The following CACNA2D3 variants were observed in gnomAD, a reference collection of about 807,000 sequenced individuals.
CACNA2D3 encodes the protein calcium voltage-gated channel auxiliary subunit alpha2delta 3.
In CACNA2D3, 60 loss-of-function variants were observed where a neutral mutation model predicts 160.6. The ratio of observed to expected loss-of-function variants is 0.37; its 90% CI spans 0.30 to 0.46. CACNA2D3 has a LOEUF of 0.46. Among genes scored for constraint, CACNA2D3 ranks in the 20% least tolerant of loss-of-function variants. CACNA2D3 has a pLI of 1.00. For synonymous variants in CACNA2D3, 558 were observed against 492.9 expected (o/e 1.13, Z -1.75); for missense variants, 1,205 against 1,365.0 (o/e 0.88, Z 1.85).
rs146105131 is a variant in CACNA2D3 at position 54,551,207 on chromosome 3, C to T, written c.545-11593C>T. On this transcript the variant is annotated intron_variant, in intron 5 of 37. Coordinates refer to ENST00000474759, the MANE Select transcript of CACNA2D3 (RefSeq NM_018398.3). Reference sequence around the variant, plus strand: ...TGGCTCTGCCAGGACCACTCTACAACCTGCCCACCCCATGCCTCTGCGTTC... The same window carrying T: ...TGGCTCTGCCAGGACCACTCTACAATCTGCCCACCCCATGCCTCTGCGTTC... 1.5e-3 allele frequency among the ~76,000 whole-genome samples: 231 copies of T among 152,300 alleles called. 3 individuals are homozygous for T. The highest frequency in any genetic ancestry group is 2.7e-3 in the Non-Finnish European group (182 of 68,026).
chr3:55,038,510 A>C (rs975707181), intron 35 of CACNA2D3, among the ~76,000 whole-genome samples: 2 of 152,176 alleles, frequency 1.3e-5, no homozygotes, highest in African/African-American at 4.8e-5. Context: ...TAAGTGCTAT[A>C]TATACATATA....
intron 14 of CACNA2D3, among the ~76,000 whole-genome samples, chr3:54,827,032 A>C (rs1703763636): frequency 6.6e-6 from 1 of 152,140 alleles, no homozygotes; most frequent in Admixed American, 6.5e-5. Context: ...TTGAAGGATG[A>C]TTTGCTTGAT....
chr3:54,860,223 T>A (rs900262148), intron 17 of CACNA2D3, among the ~76,000 whole-genome samples: 1 of 152,206 alleles, frequency 6.6e-6, no homozygotes, highest in African/African-American at 2.4e-5. Flanking sequence ...TTATCTGGAA[T>A]ATTTAGAAGC....
intron 11 of CACNA2D3, among the ~76,000 whole-genome samples, chr3:54,748,916 G>T (rs568873976): frequency 6.6e-6 from 1 of 152,204 alleles, no homozygotes; most frequent in South Asian, 2.1e-4. Flanking sequence ...CAATTTGACT[G>T]TTGTTCACAG....
At chr3:54,625,530 G>C (rs1291428491) in intron 9 of CACNA2D3, among the ~76,000 whole-genome samples, 1 of 152,176 alleles carries the variant, frequency 6.6e-6, no homozygotes, top group East Asian at 1.9e-4. Context: ...CTTCAATAAT[G>C]GTGGCTGCTC....
At chr3:54,839,076 T>C (rs1217700547) in intron 16 of CACNA2D3, among the ~76,000 whole-genome samples, 1 of 151,990 alleles carries the variant, frequency 6.6e-6, no homozygotes, top group African/African-American at 2.4e-5. Context: ...GCTAACACGG[T>C]GAAACCCCGT....
At chr3:54,311,336 C>T (rs1703736847) in intron 2 of CACNA2D3, among the ~76,000 whole-genome samples, 1 of 152,174 alleles carries the variant, frequency 6.6e-6, no homozygotes. Flanking sequence ...TCTATCACAC[C>T]TTGGTCACAG....
chr3:55,011,439 A>G (rs948375292), intron 34 of CACNA2D3, among the ~76,000 whole-genome samples: 5 of 152,236 alleles, frequency 3.3e-5, no homozygotes, highest in African/African-American at 1.2e-4. Flanking sequence ...GATCATCACC[A>G]GGGAATTTAT....
chr3:54,581,737 A>T, intron 8 of CACNA2D3, 66 bp from the exon 9 acceptor site: 2 of 1,334,164 alleles, frequency 1.5e-6, no homozygotes, highest in Non-Finnish European at 2.1e-6. Context: ...GTACCTCCTT[A>T]AATTATTAAG....
intron 35 of CACNA2D3, among the ~76,000 whole-genome samples, chr3:55,063,465 GA>G (rs1007026959): frequency 2.0e-5 from 3 of 150,698 alleles, no homozygotes; most frequent in Admixed American, 6.6e-5. Flanking sequence ...GCCATCAGTA[GA>G]AAAAAAAATG....
At chr3:54,644,423 T>C (rs1339947759) in intron 11 of CACNA2D3, among the ~76,000 whole-genome samples, 1 of 152,218 alleles carries the variant, frequency 6.6e-6, no homozygotes, top group Non-Finnish European at 1.5e-5. Flanking sequence ...TACATATACA[T>C]TCTCTTCTTT....
chr3:54,585,956 T>C (rs1400308241), intron 9 of CACNA2D3, among the ~76,000 whole-genome samples: 2 of 152,122 alleles, frequency 1.3e-5, no homozygotes, highest in African/African-American at 4.8e-5. Flanking sequence ...CGTATGACCA[T>C]ATGCTGACTA....
chr3:54,794,334 G>A (rs918452668), intron 13 of CACNA2D3, among the ~76,000 whole-genome samples: 3 of 152,010 alleles, frequency 2.0e-5, no homozygotes, highest in Non-Finnish European at 4.4e-5. Flanking sequence ...TACCTGCAAT[G>A]CCCCCCTTTC....
Position 54,822,790 on chromosome 3 carries a change from C to CTTTTCTTTCTTTT in CACNA2D3, c.1398+5920_1398+5921insTTTTCTTTCTTTT, listed in dbSNP as rs1491160047. Among the ~76,000 whole-genome samples, 114 of 71,950 alleles carry CTTTTCTTTCTTTT rather than the reference C, an allele frequency of 1.6e-3. 3 individuals are homozygous for CTTTTCTTTCTTTT. The highest frequency in any genetic ancestry group is 6.3e-3 in the African/African-American group (108 of 17,268). The allele number at this position is 71,950 out of a possible 152,430, so 47.2% of individuals were successfully genotyped here. A position where few individuals can be genotyped will look rare whatever the true frequency, so the allele number is the denominator to read the frequency against. On this transcript the variant is annotated intron_variant, in intron 14 of 37. Transcript: ENST00000474759. ...TCTTTCTTTCTTTCTTTCTTTCTTTCCTTTCTTTCTTTCTTTCTTTCTTTC... is the reference window on the plus strand; with the variant it reads ...TCTTTCTTTCTTTCTTTCTTTCTTTCTTTTCTTTCTTTTCTTTCTTTCTTTCTTTCTTTCTTTC...
chr3:54,323,127 A>G (rs1234709631), intron 3 of CACNA2D3, among the ~76,000 whole-genome samples: 3 of 152,200 alleles, frequency 2.0e-5, no homozygotes, highest in South Asian at 2.1e-4. Context: ...ACTGTGAGCC[A>G]TGTGGCTCTC....
rs754014582 is a variant in CACNA2D3, at chr3:54,975,484, G to A, written c.2556+5640G>A. On this transcript the variant is annotated intron_variant, in intron 29 of 37. Coordinates refer to ENST00000474759, the MANE Select transcript of CACNA2D3 (RefSeq NM_018398.3). ...CAGTGAGCTAACATCTCATGCCACT[G>A]CACTCCAGCCTGGGCAACAGAGTGA... Among the ~76,000 whole-genome samples, 28 of 138,606 alleles carry A rather than the reference G, an allele frequency of 2.0e-4. 1 individual carries two copies. Among genetic ancestry groups the A allele is most frequent in the Non-Finnish European group, 6.0e-5 (4 of 66,312 alleles). The allele number at this position is 138,606 out of a possible 152,430, so 90.9% of individuals were successfully genotyped here.
At chr3:54,423,373 A>G (rs1003328446) in intron 4 of CACNA2D3, among the ~76,000 whole-genome samples, 1 of 152,170 alleles carries the variant, frequency 6.6e-6, no homozygotes, top group African/African-American at 2.4e-5. Flanking sequence ...GCAACCTGGC[A>G]TTTTTTAATT....
chr3:54,766,494 G>A (rs757226700), intron 13 of CACNA2D3, among the ~76,000 whole-genome samples: 5 of 152,110 alleles, frequency 3.3e-5, no homozygotes, highest in Non-Finnish European at 5.9e-5. Flanking sequence ...ATGGGAAAAG[G>A]GACACTCTTA....
chr3:54,839,037 C>T (rs1698757162), intron 16 of CACNA2D3, among the ~76,000 whole-genome samples: 1 of 152,168 alleles, frequency 6.6e-6, no homozygotes. Context: ...GCGGGTGGAT[C>T]ACGAGGTCAG....
Sources: gnomAD v4.1 joint callset for allele counts (sites outside exome capture counted in the v4.1 genomes callset) on GRCh38, gnomAD v4.1.1 for gene constraint, MANE v1.5 for transcripts, NCBI Gene and HGNC (gene_info 2026-07-23, HGNC 2026-07-21) for gene names.